Variants in FREM1 observed in about 807,000 individuals in gnomAD.
FREM1 encodes FRAS1 related extracellular matrix 1.
Under a neutral mutation model 210.1 loss-of-function variants are expected in FREM1, and 220 were observed. The observed-to-expected ratio is 1.05, with a 90% CI of 0.94 to 1.17. FREM1 has a LOEUF of 1.17. Ranked by LOEUF, FREM1 falls within the 50% of genes most tolerant of loss-of-function variation. The pLI is 0.00. For synonymous variants in FREM1, 1,189 were observed against 980.2 expected (o/e 1.21, Z -3.98); for missense variants, 3,454 against 2,675.5 (o/e 1.29, Z -6.42).
chr9:14,748,002 C>T (rs1031831492), intron 31 of FREM1, among the ~76,000 whole-genome samples: 3 of 151,746 alleles, frequency 2.0e-5, no homozygotes, highest in Admixed American at 2.0e-4. Context: ...GGTCCAAGAA[C>T]ACACACACAC....
intron 10 of FREM1, 88 bp downstream of exon 10, chr9:14,841,359 C>T: frequency 2.7e-6 from 3 of 1,108,390 alleles, no homozygotes; most frequent in South Asian, 2.4e-5. Context: ...AACCTTGAAA[C>T]CTATTTTCAT....
At chr9:14,819,569 T>A in intron 13 of FREM1, 127 bp from the exon 14 acceptor site, 1 of 609,856 alleles carries the variant, frequency 1.6e-6, no homozygotes, top group South Asian at 2.4e-5. Flanking sequence ...AAGAATGTGG[T>A]AAGAGGATAA....
chr9:14,762,719 A>G (rs1482941434), intron 27 of FREM1, among the ~76,000 whole-genome samples: 1 of 150,536 alleles, frequency 6.6e-6, no homozygotes, highest in African/African-American at 2.4e-5. Context: ...GGACCTGCAT[A>G]CCCACAGAAT....
At chr9:14,876,945 C>T (rs1404534238) in intron 1 of FREM1, among the ~76,000 whole-genome samples, 1 of 152,108 alleles carries the variant, frequency 6.6e-6, no homozygotes, top group African/African-American at 2.4e-5. Flanking sequence ...GTAGATGTCT[C>T]CCAAAACTGG....
rs765821849 is a variant in FREM1 at position 14,797,566 on chromosome 9, T to C, written c.3771A>G (p.Lys1257=). The change falls in exon 21 of 37, where the codon AAA becomes AAG. Residue 1257 remains lysine, a synonymous_variant. Transcript: ENST00000380880. The part of the protein sequence containing the change: ...DDFTIQLSDG[K]HKILKTISVE... ...CTGAAATGGTTTTAAGTATCTTATG[T>C]TTCCCATCTGACAATTGGATTGTAA... is the stretch of plus-strand genomic sequence containing the variant. 1 of 1,612,968 alleles carries C rather than the reference T, an allele frequency of 6.2e-7. No individual in the cohort carries two copies. Among genetic ancestry groups the C allele is most frequent in the Non-Finnish European group, 8.5e-7 (1 of 1,179,146 alleles).
Position 14,905,881 on chromosome 9 carries a change from ACT to A in FREM1, c.-268+4031_-268+4032del, listed in dbSNP as rs549816640. Among the ~76,000 whole-genome samples, 148 of 150,086 alleles carry A rather than the reference ACT, an allele frequency of 9.9e-4. 3 individuals are homozygous for A. The Middle Eastern group carries it at 0.038, about 38-fold the overall frequency. On this transcript the variant is annotated intron_variant, in intron 1 of 36. Coordinates refer to ENST00000380880, the MANE Select transcript of FREM1 (RefSeq NM_001379081.2). ...ACTGCAGCATGGGCAATAGAGCAAG[ACT>A]CTGTCTCAAATTTAAAAAAAGAAAA...
At position 14,748,466 on chromosome 9, in the gene FREM1, G is replaced by A; in HGVS notation, c.5731C>T (p.Leu1911=). The change falls in exon 31 of 37, where the codon CTG becomes TTG. Residue 1911 remains leucine (L), a synonymous_variant. Coordinates refer to ENST00000380880, the MANE Select transcript of FREM1 (RefSeq NM_001379081.2). ...AGATCTGTAGAATCAAAGCCCCGCA[G>A]GGTGTCTCCCCTGATGACTGCTAGC... ...MQLAVIRGDT[L]RGFDSTDLSQ... The A allele has an allele frequency of 6.2e-7, 1 of 1,613,834 alleles. No homozygotes were observed. Among genetic ancestry groups the A allele is most frequent in the East Asian group, 2.2e-5 (1 of 44,878 alleles).
chr9:14,795,592 T>C (rs549512889), intron 21 of FREM1, among the ~76,000 whole-genome samples: 28 of 152,288 alleles, frequency 1.8e-4, no homozygotes, highest in Non-Finnish European at 3.1e-4. Context: ...GGGAGGGTTT[T>C]TGAAGCAGGG....
chr9:14,849,676 T>C (rs1338225849), intron 6 of FREM1, among the ~76,000 whole-genome samples: 1 of 152,182 alleles, frequency 6.6e-6, no homozygotes, highest in African/African-American at 2.4e-5. Flanking sequence ...GGTGTCTTTT[T>C]TGGAGGGGTA....
At chr9:14,830,242 G>A (rs1009072377) in intron 10 of FREM1, among the ~76,000 whole-genome samples, 16 of 152,168 alleles carry the variant, frequency 1.1e-4, no homozygotes, top group Non-Finnish European at 2.2e-4. Context: ...GTATTATATT[G>A]TGAGCCTGAA....
At chr9:14,803,506 G>A (rs1817748983) in intron 19 of FREM1, among the ~76,000 whole-genome samples, 1 of 151,888 alleles carries the variant, frequency 6.6e-6, no homozygotes, top group African/African-American at 2.4e-5. Context: ...CCATAGGCAT[G>A]TGTCACCAGC....
intron 2 of FREM1, among the ~76,000 whole-genome samples, chr9:14,866,397 T>C (rs1026201152): frequency 1.3e-5 from 2 of 152,194 alleles, no homozygotes; most frequent in Non-Finnish European, 2.9e-5. Flanking sequence ...ATGGGGACAA[T>C]TTTATTTCTC....
At chr9:14,793,489 G>A (rs2133097800) in intron 21 of FREM1, among the ~76,000 whole-genome samples, 1 of 152,316 alleles carries the variant, frequency 6.6e-6, no homozygotes, top group East Asian at 1.9e-4. Flanking sequence ...TGAACAGTAG[G>A]CTGGGGCAGA....
chr9:14,905,852 C>T (rs898798541), intron 1 of FREM1, among the ~76,000 whole-genome samples: 1 of 151,956 alleles, frequency 6.6e-6, no homozygotes, highest in African/African-American at 2.4e-5. Context: ...GATCACGCCA[C>T]TGCACTGCAG....
At chr9:14,857,468 C>T in intron 5 of FREM1, 85 bp downstream of exon 5, 1 of 1,145,038 alleles carries the variant, frequency 8.7e-7, no homozygotes, top group Non-Finnish European at 1.3e-6. Flanking sequence ...CTCTCCCTGG[C>T]ATGGGGGCGA....
intron 1 of FREM1, among the ~76,000 whole-genome samples, chr9:14,890,703 C>G (rs1836664905): frequency 6.6e-6 from 1 of 152,184 alleles, no homozygotes; most frequent in South Asian, 2.1e-4. Flanking sequence ...AATTCAAATT[C>G]CAGGATATCC....
chr9:14,850,877 G>A (rs1164900720), intron 6 of FREM1, among the ~76,000 whole-genome samples: 1 of 152,202 alleles, frequency 6.6e-6, no homozygotes, highest in Non-Finnish European at 1.5e-5. Context: ...ATATTTGGTA[G>A]CTAGCACAAT....
At chr9:14,741,815 G>A (rs1455238839) in intron 35 of FREM1, among the ~76,000 whole-genome samples, 2 of 152,154 alleles carry the variant, frequency 1.3e-5, no homozygotes, top group African/African-American at 4.8e-5. Context: ...TTCAGCATCA[G>A]GATATAATGG....
intron 15 of FREM1, among the ~76,000 whole-genome samples, chr9:14,814,577 A>G (rs1017888876): frequency 3.3e-5 from 5 of 152,160 alleles, no homozygotes; most frequent in Non-Finnish European, 7.4e-5. Flanking sequence ...AATATTCTCT[A>G]CTTTTCTATT....
Sources: gnomAD v4.1 joint callset for allele counts (sites outside exome capture counted in the v4.1 genomes callset) on GRCh38, gnomAD v4.1.1 for gene constraint, MANE v1.5 for transcripts, NCBI Gene and HGNC (gene_info 2026-07-23, HGNC 2026-07-21) for gene names.